Variants in SCAPER observed in about 807,000 individuals in gnomAD.
SCAPER encodes S phase cyclin A-associated protein in the endoplasmic reticulum.
In SCAPER, 98 loss-of-function variants were observed where a neutral mutation model predicts 182.2. The observed-to-expected ratio is 0.54, with a 90% CI of 0.46 to 0.64. The LOEUF (loss-of-function observed/expected upper bound fraction) is 0.64, where lower values mean the gene tolerates loss of function less well. SCAPER is among the 30% of genes least tolerant of loss of function. The pLI is 0.00. For missense variants in SCAPER, 1,432 were observed against 1,690.0 expected (o/e 0.85, Z 2.68); for synonymous variants, 605 against 564.6 (o/e 1.07, Z -1.01).
At chr15:76,527,616 G>A (rs2043305126) in intron 23 of SCAPER, among the ~76,000 whole-genome samples, 1 of 152,192 alleles carries the variant, frequency 6.6e-6, no homozygotes, top group African/African-American at 2.4e-5. Flanking sequence ...CCCAAGCTCT[G>A]ACTGTAGGTT....
At chr15:76,682,264 T>TCCCCCCCCCCCCCCCCC (rs573661987) in intron 20 of SCAPER, among the ~76,000 whole-genome samples, 1 of 130,518 alleles carries the variant, frequency 7.7e-6, no homozygotes, top group East Asian at 2.6e-4. Context: ...TCACCTCCCT[T>TCCCCCCCCCCCCCCCCC]CCCCCCCCCA....
intron 21 of SCAPER, among the ~76,000 whole-genome samples, chr15:76,662,881 T>C (rs1392759620): frequency 6.6e-6 from 1 of 152,042 alleles, no homozygotes; most frequent in Non-Finnish European, 1.5e-5. Context: ...TGATAGAGTA[T>C]CTTTTGACCT....
intron 17 of SCAPER, among the ~76,000 whole-genome samples, chr15:76,725,696 A>G (rs2060545281): frequency 6.6e-6 from 1 of 152,086 alleles, no homozygotes; most frequent in Non-Finnish European, 1.5e-5. Context: ...CAGCCATTGT[A>G]TGTAAGTCAA....
At chr15:76,656,972 C>A (rs2055699479) in intron 21 of SCAPER, among the ~76,000 whole-genome samples, 1 of 152,158 alleles carries the variant, frequency 6.6e-6, no homozygotes, top group African/African-American at 2.4e-5. Context: ...AACAGCCTAA[C>A]ATCACATCCA....
chr15:76,607,024 T>C (rs1191088373), intron 22 of SCAPER, among the ~76,000 whole-genome samples: 1 of 152,238 alleles, frequency 6.6e-6, no homozygotes, highest in Non-Finnish European at 1.5e-5. Flanking sequence ...ACATCTAAAG[T>C]TAATATTGTT....
intron 10 of SCAPER, 26 bp from the exon 11 acceptor site, chr15:76,767,114 A>G (rs1222856246): frequency 1.3e-6 from 2 of 1,534,714 alleles, no homozygotes; most frequent in African/African-American, 1.4e-5. Flanking sequence ...CACATAAACA[A>G]AAAGAAAAAT....
chr15:76,856,621 C>G (rs1330480737), intron 4 of SCAPER, among the ~76,000 whole-genome samples: 1 of 151,564 alleles, frequency 6.6e-6, no homozygotes, highest in African/African-American at 2.4e-5. Flanking sequence ...AATGACATCA[C>G]GATTAGAAGC....
At chr15:76,667,811 G>A (rs994088295) in intron 20 of SCAPER, among the ~76,000 whole-genome samples, 2 of 151,326 alleles carry the variant, frequency 1.3e-5, no homozygotes, top group African/African-American at 4.9e-5. Context: ...AAATTAGCCG[G>A]GCATGGTGGT....
chr15:76,710,983 G>A (rs1423567410), intron 17 of SCAPER, among the ~76,000 whole-genome samples: 1 of 151,992 alleles, frequency 6.6e-6, no homozygotes, highest in Admixed American at 6.6e-5. Flanking sequence ...GTGGGGAAAG[G>A]ATAACCTTTT....
At chr15:76,426,959 G>T (rs1011334225) in intron 26 of SCAPER, among the ~76,000 whole-genome samples, 22 of 152,176 alleles carry the variant, frequency 1.4e-4, no homozygotes, top group African/African-American at 5.1e-4. Context: ...CCAAGAACAT[G>T]CAATGGGGAA....
chr15:76,418,489 TCC>T (rs1340822817), intron 26 of SCAPER, among the ~76,000 whole-genome samples: 3 of 152,190 alleles, frequency 2.0e-5, no homozygotes, highest in Non-Finnish European at 4.4e-5. Flanking sequence ...TGTTGGGCAC[TCC>T]CCACATCTGT....
chr15:76,680,488 C>T (rs1483757139), intron 20 of SCAPER, among the ~76,000 whole-genome samples: 1 of 151,686 alleles, frequency 6.6e-6, no homozygotes, highest in African/African-American at 2.4e-5. Context: ...CAATCCTTAG[C>T]ATTTGCTATA....
At chr15:76,376,384 T>G in intron 28 of SCAPER, 73 bp from the exon 29 acceptor site, 8 of 1,460,272 alleles carry the variant, frequency 5.5e-6, no homozygotes, top group Non-Finnish European at 7.3e-6. Flanking sequence ...AAAGCAAGAC[T>G]GGCCCTGTGT....
chr15:76,831,307 G>A (rs1326591921), intron 5 of SCAPER, among the ~76,000 whole-genome samples: 2 of 151,940 alleles, frequency 1.3e-5, no homozygotes, highest in African/African-American at 4.8e-5. Flanking sequence ...GTCCCTCCCT[G>A]GCCACACACA....
At chr15:76,730,993 TAC>T (rs1370711305) in intron 16 of SCAPER, among the ~76,000 whole-genome samples, 1 of 152,146 alleles carries the variant, frequency 6.6e-6, no homozygotes, top group Non-Finnish European at 1.5e-5. Context: ...CTGGTAGCCA[TAC>T]AGCTAATGAG....
At chr15:76,396,427 T>C (rs1385300192) in intron 27 of SCAPER, among the ~76,000 whole-genome samples, 1 of 152,220 alleles carries the variant, frequency 6.6e-6, no homozygotes, top group East Asian at 1.9e-4. Context: ...ATGGACATTT[T>C]TAACAATATT....
At chr15:76,811,805 AAAAATAAAAAAAAT>A (rs566119910) in intron 5 of SCAPER, among the ~76,000 whole-genome samples, 13 of 151,614 alleles carry the variant, frequency 8.6e-5, no homozygotes, top group Non-Finnish European at 1.2e-4. Flanking sequence ...TAAAAAATAA[AAAAATAAAAAAAAT>A]AAAATAAAAA....
intron 22 of SCAPER, among the ~76,000 whole-genome samples, chr15:76,589,091 T>C (rs2048912446): frequency 6.6e-6 from 1 of 152,156 alleles, no homozygotes; most frequent in Non-Finnish European, 1.5e-5. Context: ...TAATGTGAAC[T>C]GTCTTCAGGT....
intron 22 of SCAPER, among the ~76,000 whole-genome samples, chr15:76,580,970 T>C (rs1467455843): frequency 3.9e-5 from 6 of 152,062 alleles, no homozygotes; most frequent in African/African-American, 1.4e-4. Context: ...GGAGACATTA[T>C]AACCAATACC....
Sources: allele counts gnomAD v4.1 joint callset (sites outside exome capture counted in the v4.1 genomes callset), GRCh38; gene constraint gnomAD v4.1.1; transcripts MANE v1.5; gene names NCBI Gene and HGNC (gene_info 2026-07-23, HGNC 2026-07-21).